DHX34: variants seen among roughly 807,000 people sequenced by gnomAD.
The protein encoded by DHX34 is DExH-box helicase 34, also known as probable ATP-dependent RNA helicase DHX34.
A neutral mutation model predicts 111.1 loss-of-function variants in DHX34; 96 were observed. The observed-to-expected ratio is 0.86, with a 90% CI of 0.73 to 1.02. The LOEUF is 1.02. Among genes scored for constraint, DHX34 ranks in the 50% least tolerant of loss-of-function variants. The probability of loss-of-function intolerance (pLI) is 0.00; values close to 1 mark genes in which losing one functional copy is unlikely to be tolerated. For synonymous variants in DHX34, 688 were observed against 670.4 expected (o/e 1.03, Z -0.41); for missense variants, 1,560 against 1,579.9 (o/e 0.99, Z 0.21).
intron 13 of DHX34, chr19:47,379,507 T>C: frequency 1.2e-6 from 1 of 867,196 alleles, no homozygotes; most frequent in Non-Finnish European, 1.4e-6. Context: ...CCCAGCCCCC[T>C]TCCCTGACTC....
At chr19:47,367,992 A>C (rs1969845001) in intron 7 of DHX34, among the ~76,000 whole-genome samples, 1 of 152,106 alleles carries the variant, frequency 6.6e-6, no homozygotes, top group South Asian at 2.1e-4. Context: ...CACAATTTTA[A>C]CATAATCAAT....
chr19:47,367,275 C>T (rs1722614883), intron 7 of DHX34, 120 bp downstream of exon 7: 3 of 1,095,724 alleles, frequency 2.7e-6, no homozygotes, highest in East Asian at 6.3e-5. Context: ...CATTTATTCA[C>T]TCTTCACTGG....
At position 47,353,578 on chromosome 19, in the gene DHX34, T is replaced by C. The variant is rs758830688; in HGVS notation, c.548T>C (p.Val183Ala). 2.5e-6 allele frequency: 4 copies of C among 1,613,320 alleles called. No individual in the cohort carries two copies. The highest frequency in any genetic ancestry group is 3.4e-6 in the Non-Finnish European group (4 of 1,180,026). The part of the protein sequence containing the change: ...QTLKEHQVVV[V>A]AGDTGCGKST... ...CTGAAGGAGCACCAGGTGGTGGTAG[T>C]GGCCGGTGACACCGGCTGTGGCAAG... The change falls in exon 2 of 17, where the codon GTG becomes GCG. Residue 183 changes from valine to alanine, a missense_variant. Transcript: ENST00000328771. The surrounding 1 kb of genome is among the most constrained non-coding windows in gnomAD (Gnocchi z 4.6).
chr19:47,380,769 A>G, intron 14 of DHX34, 47 bp from the exon 15 acceptor site: 1 of 1,609,698 alleles, frequency 6.2e-7, no homozygotes, highest in South Asian at 1.1e-5. Flanking sequence ...CTTTGGCGGC[A>G]TCTCCCTGAG....
At position 47,381,431 on chromosome 19, in the gene DHX34, A is replaced by G. The variant is rs1599781396; in HGVS notation, c.3298+107A>G. 9 of 1,453,052 alleles carry G rather than the reference A, an allele frequency of 6.2e-6. No individual in the cohort carries two copies. In the East Asian group the frequency reaches 2.2e-4, roughly 36 times the overall value. 90.0% of individuals were successfully genotyped at this position (1,453,052 alleles called of 1,614,324 possible). On this transcript the variant is annotated intron_variant, in intron 16 of 16. Transcript: ENST00000328771. ...CTTGCTAGAGCTTCGAGGACTGACG[A>G]CCTCCACCCGCTGGCCCTGGCTGGT...
At position 47,375,637 on chromosome 19, in the gene DHX34, G is replaced by C; in HGVS notation, c.2236G>C (p.Asp746His). 1 of 1,553,108 alleles carries C rather than the reference G, an allele frequency of 6.4e-7. No individual in the cohort carries two copies. Among genetic ancestry groups the C allele is most frequent in the Non-Finnish European group, 8.7e-7 (1 of 1,152,062 alleles). ...GGTGCTGCGGCTGCAGGAGGAGCAG[G>C]ACGGCGGCTCCAGTGACGAGGACAG... ...RKVLRLQEEQ[D>H]GGSSDEDRAG... Residue 746 changes from aspartate (D) to histidine (H), a missense_variant, in exon 10 of 17, where the codon GAC becomes CAC. Transcript: ENST00000328771.
At chr19:47,378,464 G>C (rs1970240682) in intron 13 of DHX34, among the ~76,000 whole-genome samples, 2 of 152,180 alleles carry the variant, frequency 1.3e-5, no homozygotes, top group Non-Finnish European at 2.9e-5. Context: ...CCGAGGGACA[G>C]AGGATTGGCG....
chr19:47,367,357 C>CT (rs1969823604), intron 7 of DHX34, among the ~76,000 whole-genome samples: 1 of 152,166 alleles, frequency 6.6e-6, no homozygotes. Flanking sequence ...CCTCAGGGAG[C>CT]TGACATTTTG....
At position 47,381,739 on chromosome 19, in the gene DHX34, G is replaced by T. The variant is rs118034657; in HGVS notation, c.3299-241G>T. ...CCTCCATCCCCGGCTGGCTGTGTCT[G>T]CCTCTCAGTCTCCATGTCTCTCCTT... is the stretch of plus-strand genomic sequence containing the variant. On this transcript the variant is annotated intron_variant, in intron 16 of 16. Coordinates refer to ENST00000328771, the MANE Select transcript of DHX34 (RefSeq NM_014681.6). The T allele has an allele frequency of 2.3e-3, 1,391 of 617,282 alleles. 2 individuals are homozygous for T. The highest frequency in any genetic ancestry group is 2.6e-3 in the Non-Finnish European group (1,281 of 493,476). 38.2% of individuals were successfully genotyped at this position (617,282 alleles called of 1,614,324 possible).
chr19:47,380,100 G>GT (rs1174698982), intron 14 of DHX34, 115 bp downstream of exon 14: 15 of 1,431,438 alleles, frequency 1.0e-5, no homozygotes, highest in Non-Finnish European at 1.4e-5. Context: ...ACATTTGGGG[G>GT]TTTTCAGGCC....
At chr19:47,349,571 T>C (rs913937133) in intron 1 of DHX34, among the ~76,000 whole-genome samples, 5 of 151,310 alleles carry the variant, frequency 3.3e-5, no homozygotes. Context: ...CCGAAAGAAA[T>C]GGAGGCACGA....
At chr19:47,376,684 C>T (rs1288093360) in intron 12 of DHX34, 124 bp downstream of exon 12, 66 of 1,461,040 alleles carry the variant, frequency 4.5e-5, no homozygotes, top group Non-Finnish European at 6.0e-5. Context: ...CGGGGGCCCA[C>T]AGGAGGGGAA....
chr19:47,378,140 G>A (rs1250222628), intron 13 of DHX34, among the ~76,000 whole-genome samples: 1 of 152,154 alleles, frequency 6.6e-6, no homozygotes, highest in Non-Finnish European at 1.5e-5. Flanking sequence ...TGGGTCCCAG[G>A]GAACGTGGAG....
At chr19:47,362,336 G>T (rs1456099256) in intron 5 of DHX34, 140 bp from the exon 6 acceptor site, 1 of 1,257,112 alleles carries the variant, frequency 8.0e-7, no homozygotes, top group Non-Finnish European at 1.0e-6. Flanking sequence ...TGTCAGAGTT[G>T]GGCCCAGAAT....
At chr19:47,370,352 C>T (rs548830072) in intron 7 of DHX34, among the ~76,000 whole-genome samples, 17 of 152,308 alleles carry the variant, frequency 1.1e-4, no homozygotes, top group Admixed American at 7.2e-4. Context: ...CTCTGCACAG[C>T]GTGTCCCCAG....
chr19:47,375,772 G>A (rs1970130324), intron 10 of DHX34, 64 bp downstream of exon 10: 31 of 1,558,680 alleles, frequency 2.0e-5, no homozygotes, highest in South Asian at 4.7e-5. Flanking sequence ...CTCCTGGGGG[G>A]GTCCCAGGGG....
chr19:47,365,229 G>GTTAT (rs369713446), intron 6 of DHX34, among the ~76,000 whole-genome samples: 2,109 of 145,374 alleles, frequency 0.015, 24 homozygotes, highest in Middle Eastern at 0.031. Flanking sequence ...TAATGTAAAG[G>GTTAT]TTATTTATTT....
At position 47,359,965 on chromosome 19, in the gene DHX34, C is replaced by T; in HGVS notation, c.1273-3C>T. Reference sequence around the variant, plus strand: ...CTGACACCACCCCCTCCCTTCCTCCCAGGTATTTGATGTGGCACCCCCTGG... The same window carrying T: ...CTGACACCACCCCCTCCCTTCCTCCTAGGTATTTGATGTGGCACCCCCTGG... On this transcript the variant is annotated splice_region_variant and splice_polypyrimidine_tract_variant and intron_variant, in intron 4 of 16. Coordinates refer to ENST00000328771, the MANE Select transcript of DHX34 (RefSeq NM_014681.6). 6.2e-7 allele frequency: 1 copy of T among 1,614,024 alleles called. No individual in the cohort carries two copies. The highest frequency in any genetic ancestry group is 8.5e-7 in the Non-Finnish European group (1 of 1,179,946).
In DHX34 at chr19:47,381,237, C is replaced by T. The variant is rs1250063872; in HGVS notation, c.3211C>T (p.His1071Tyr). 1 of 1,614,104 alleles carries T rather than the reference C, an allele frequency of 6.2e-7. No homozygotes were observed. The change falls in exon 16 of 17, where the codon CAC becomes TAC. Residue 1071 changes from histidine (H) to tyrosine (Y), a missense_variant. His to Tyr is a moderately conservative substitution (Grantham distance 83). Coordinates refer to ENST00000328771, the MANE Select transcript of DHX34 (RefSeq NM_014681.6). ...DCLRTFWTCP[H>Y]CGLHAPLTPL... is the part of the protein sequence containing the mutation. ...TCTCCGAACCTTCTGGACCTGCCCC[C>T]ACTGTGGCCTGCATGCGCCCCTCAC...
Sources: gnomAD v4.1 joint callset for allele counts (sites outside exome capture counted in the v4.1 genomes callset) on GRCh38, gnomAD v4.1.1 for gene constraint, Gnocchi (gnomAD v3.1) non-coding constraint, MANE v1.5 for transcripts, NCBI Gene and HGNC (gene_info 2026-07-23, HGNC 2026-07-21) for gene names.